The following CLCN7 variants were observed in gnomAD, a reference collection of about 807,000 sequenced individuals.
The protein encoded by CLCN7 is H(+)/Cl(-) exchange transporter 7.
CLCN7 carries 60 observed loss-of-function variants against 102.1 expected under a neutral mutation model. That is an observed-to-expected ratio of 0.59 (90% CI 0.48 to 0.73). The LOEUF (loss-of-function observed/expected upper bound fraction) is 0.73, where lower values mean the gene tolerates loss of function less well. Among genes scored for constraint, CLCN7 ranks in the 30% least tolerant of loss-of-function variants. The pLI is 0.00. For missense variants in CLCN7, 962 were observed against 1,125.7 expected (o/e 0.85, Z 2.08); for synonymous variants, 560 against 490.5 (o/e 1.14, Z -1.87).
intron 2 of CLCN7, among the ~76,000 whole-genome samples, chr16:1,465,003 C>A (rs1276067320): frequency 6.6e-6 from 1 of 152,150 alleles, no homozygotes; most frequent in Admixed American, 6.5e-5. Context: ...TGTCCCAAAG[C>A]CAGGTCCAGC....
chr16:1,448,183 T>A, intron 21 of CLCN7, 172 bp downstream of exon 21: 1 of 914,216 alleles, frequency 1.1e-6, no homozygotes, highest in Non-Finnish European at 1.7e-6. Flanking sequence ...CCCACCAGCC[T>A]CAGCGTCCAC....
chr16:1,470,447 G>A (rs536796203), intron 1 of CLCN7, among the ~76,000 whole-genome samples: 1 of 152,368 alleles, frequency 6.6e-6, no homozygotes, highest in African/African-American at 2.4e-5. Flanking sequence ...GCTAGGCACA[G>A]AGGATACAGC....
chr16:1,462,726 T>C (rs1395520883), intron 2 of CLCN7, among the ~76,000 whole-genome samples: 1 of 133,656 alleles, frequency 7.5e-6, no homozygotes, highest in Non-Finnish European at 1.6e-5. Flanking sequence ...CACAAAAGAA[T>C]GGAAGAGAAT....
intron 2 of CLCN7, among the ~76,000 whole-genome samples, chr16:1,463,084 T>G (rs1223182901): frequency 6.6e-6 from 1 of 151,908 alleles, no homozygotes; most frequent in African/African-American, 2.4e-5. Flanking sequence ...TGAACCATGA[T>G]TGCACCACTG....
chr16:1,448,939 G>T, intron 19 of CLCN7, 27 bp downstream of exon 19: 1 of 1,611,398 alleles, frequency 6.2e-7, no homozygotes. Flanking sequence ...CACGCTCTCA[G>T]GGTGAGGCTT....
intron 7 of CLCN7, among the ~76,000 whole-genome samples, chr16:1,458,039 C>T (rs923712699): frequency 1.4e-4 from 19 of 139,044 alleles, no homozygotes; most frequent in African/African-American, 5.4e-4. Context: ...CAAAGCTGGG[C>T]CGCCCACCGC....
At position 1,460,450 on chromosome 16, in the gene CLCN7, G is replaced by A; in HGVS notation, c.562C>T (p.Leu188Phe). 1 of 1,613,708 alleles carries A rather than the reference G, an allele frequency of 6.2e-7. No homozygotes were observed. Among genetic ancestry groups the A allele is most frequent in the East Asian group, 2.2e-5 (1 of 44,880 alleles). ...LWATLNAAFV[L>F]VGSVIVAFIE... is the part of the protein sequence containing the mutation. ...AAAGCCACAATCACAGAGCCCACGA[G>A]CACGAAGGCGGCGTTCAGCGTGGCC... Residue 188 changes from leucine to phenylalanine, a missense_variant, in exon 6 of 25, where the codon CTC becomes TTC. By Grantham distance (22) the Leu-to-Phe change is conservative (BLOSUM62 0). Around this residue, in one of 2 missense-constraint regions of CLCN7, gnomAD observed 799 missense variants for 988.0 expected, o/e 0.81. Transcript: ENST00000382745.
intron 14 of CLCN7, among the ~76,000 whole-genome samples, 184 bp downstream of exon 14, chr16:1,453,650 C>T (rs547523096): frequency 2.0e-4 from 30 of 152,358 alleles, no homozygotes; most frequent in African/African-American, 6.5e-4. Flanking sequence ...AGTCCGTCAC[C>T]CTCCAGGCCC....
chr16:1,465,435 C>T (rs1392592502), intron 1 of CLCN7, 97 bp from the exon 2 acceptor site: 6 of 1,130,704 alleles, frequency 5.3e-6, no homozygotes, highest in Non-Finnish European at 7.8e-6. Flanking sequence ...TCGCCTGACC[C>T]TGCCCGGGAG....
intron 2 of CLCN7, among the ~76,000 whole-genome samples, chr16:1,464,027 C>G (rs1266300235): frequency 6.6e-6 from 1 of 152,062 alleles, no homozygotes; most frequent in Non-Finnish European, 1.5e-5. Context: ...CATCTGCTTC[C>G]CAAAGTACTA....
In CLCN7 at chr16:1,474,603, C is replaced by T. The variant is rs3751883; in HGVS notation, c.141+231G>A. The stretch of plus-strand genomic sequence containing the variant: ...CGGGGTCTGGCGAGCTCCGCCTCGC[C>T]CACGCAGCCCTCCCGGCCACCGAGC... On this transcript the variant is annotated intron_variant, in intron 1 of 24. Coordinates refer to ENST00000382745, the MANE Select transcript of CLCN7 (RefSeq NM_001287.6). 0.59 allele frequency among the ~76,000 whole-genome samples: 89,707 copies of T among 151,894 alleles called. 28,878 individuals carry two copies. The highest frequency in any genetic ancestry group is 0.86 in the African/African-American group (35,797 of 41,496).
At chr16:1,471,566 A>G (rs2039078081) in intron 1 of CLCN7, 1 of 152,302 alleles carries the variant, frequency 6.6e-6, no homozygotes, top group African/African-American at 2.4e-5. Context: ...CAGGAAAGTC[A>G]CAACGAACAC....
chr16:1,465,563 G>C (rs149120135), intron 1 of CLCN7, among the ~76,000 whole-genome samples: 2 of 152,170 alleles, frequency 1.3e-5, no homozygotes, highest in Admixed American at 1.3e-4. Flanking sequence ...TCAGCGACAC[G>C]TCCAGCCCGA....
At position 1,459,116 on chromosome 16, in the gene CLCN7, C is replaced by T. The variant is rs760064019; in HGVS notation, c.666G>A (p.Val222=). ...GCCACCGCACCCTCACCTTGAGCCGCACCACGTGGGGGATCTTCACCCCGT... is the reference window on the plus strand; with the variant it reads ...GCCACCGCACCCTCACCTTGAGCCGTACCACGTGGGGGATCTTCACCCCGT... ...FLNGVKIPHV[V]RLKTLVIKVS... is the part of the protein sequence containing the mutation. The change falls in exon 7 of 25, where the codon GTG becomes GTA. Residue 222 remains valine (V), a synonymous_variant. Transcript: ENST00000382745. 2 of 1,611,070 alleles carry T rather than the reference C, an allele frequency of 1.2e-6. No individual in the cohort carries two copies. The highest frequency in any genetic ancestry group is 4.5e-5 in the East Asian group (2 of 44,782).
In CLCN7 at chr16:1,465,422, G is replaced by GCCTCGCCTGACCCTGC. The variant is rs1156877014; in HGVS notation, c.142-100_142-85dup. On this transcript the variant is annotated intron_variant, in intron 1 of 24. Transcript: ENST00000382745. ...TTCTCACTCCCGCCGCCGCACCCTGGCCTCGCCTGACCCTGCCCGGGAGCT... is the reference window on the plus strand; with the variant it reads ...TTCTCACTCCCGCCGCCGCACCCTGGCCTCGCCTGACCCTGCCCTCGCCTGACCCTGCCCGGGAGCT... 4.8e-6 allele frequency: 6 copies of GCCTCGCCTGACCCTGC among 1,256,962 alleles called. No individual in the cohort carries two copies. In the Admixed American group the frequency reaches 1.2e-4, roughly 25 times the overall value. The allele number at this position is 1,256,962 out of a possible 1,614,324, so 77.9% of individuals were successfully genotyped here.
chr16:1,465,804 G>A (rs1466049806), intron 1 of CLCN7, among the ~76,000 whole-genome samples: 3 of 152,164 alleles, frequency 2.0e-5, no homozygotes, highest in African/African-American at 4.8e-5. Flanking sequence ...CAGTGTTCAC[G>A]CTGCCCTCCC....
intron 17 of CLCN7, 68 bp from the exon 18 acceptor site, chr16:1,449,395 G>A (rs1011960333): frequency 3.4e-6 from 5 of 1,481,252 alleles, no homozygotes; most frequent in Admixed American, 1.9e-5. Flanking sequence ...ATACACAGAC[G>A]GAGGAGGCCC....
intron 1 of CLCN7, among the ~76,000 whole-genome samples, chr16:1,465,715 G>GCC (rs1240870926): frequency 6.6e-6 from 1 of 152,200 alleles, no homozygotes; most frequent in Non-Finnish European, 1.5e-5. Context: ...TGCTCCCGAG[G>GCC]CCCTGCTCAG....
chr16:1,453,966 T>G, intron 13 of CLCN7, 72 bp from the exon 14 acceptor site: 1 of 1,478,470 alleles, frequency 6.8e-7, no homozygotes, highest in Non-Finnish European at 9.4e-7. Flanking sequence ...GGCTCCCAGA[T>G]GGCAGGAGAA....
Sources: allele counts gnomAD v4.1 joint callset (sites outside exome capture counted in the v4.1 genomes callset), GRCh38; gene constraint gnomAD v4.1.1; regional missense constraint gnomAD v4.1.1; transcripts MANE v1.5; gene names NCBI Gene and HGNC (gene_info 2026-07-23, HGNC 2026-07-21).